SPIRE1: variants seen among roughly 807,000 people sequenced by gnomAD.
SPIRE1 encodes the protein protein spire homolog 1.
A neutral mutation model predicts 94.1 loss-of-function variants in SPIRE1; 40 were observed. The ratio of observed to expected loss-of-function variants is 0.43; its 90% CI spans 0.33 to 0.55. The LOEUF (loss-of-function observed/expected upper bound fraction) is 0.55, where lower values mean the gene tolerates loss of function less well. Ranked by LOEUF, SPIRE1 falls within the 20% of genes least tolerant of loss-of-function variation. SPIRE1 has a pLI of 0.06. For synonymous variants in SPIRE1, 376 were observed against 371.7 expected, an observed-to-expected ratio of 1.01 and a Z score of -0.13; for missense variants, 838 against 975.2, an observed-to-expected ratio of 0.86 and a Z score of 1.87.
intron 2 of SPIRE1, among the ~76,000 whole-genome samples, chr18:12,565,871 T>A (rs780861757): frequency 3.4e-5 from 5 of 148,440 alleles, no homozygotes; most frequent in Non-Finnish European, 6.0e-5. Flanking sequence ...CCATCTCTAC[T>A]ATAAATACAA....
chr18:12,461,587 A>ATACATACATGTGTGTGTATGTATGTATG (rs752073495), intron 12 of SPIRE1, among the ~76,000 whole-genome samples: 1 of 147,406 alleles, frequency 6.8e-6, no homozygotes, highest in Admixed American at 6.6e-5. Flanking sequence ...ACATATGTAT[A>ATACATACATGTGTGTGTATGTATGTATG]TACATACATA....
At chr18:12,562,859 T>C (rs2035726742) in intron 2 of SPIRE1, among the ~76,000 whole-genome samples, 1 of 152,112 alleles carries the variant, frequency 6.6e-6, no homozygotes, top group Non-Finnish European at 1.5e-5. Context: ...GATTATAAAA[T>C]ATACTAAAAT....
chr18:12,470,619 G>A (rs376531145), intron 10 of SPIRE1, among the ~76,000 whole-genome samples: 43 of 152,294 alleles, frequency 2.8e-4, no homozygotes, highest in African/African-American at 9.6e-4. Flanking sequence ...GGGTGTGTGA[G>A]TACACACGTG....
At chr18:12,595,242 G>A (rs1211183490) in intron 2 of SPIRE1, among the ~76,000 whole-genome samples, 2 of 152,318 alleles carry the variant, frequency 1.3e-5, no homozygotes, top group East Asian at 1.9e-4. Flanking sequence ...GGAAGTTGAG[G>A]CTGCAGTGAG....
intron 10 of SPIRE1, among the ~76,000 whole-genome samples, chr18:12,469,576 TTATATATAG>T (rs2032259885): frequency 6.9e-6 from 1 of 145,560 alleles, no homozygotes; most frequent in Admixed American, 7.0e-5. Context: ...ATTATATATA[TTATATATAG>T]TATATATTAT....
intron 2 of SPIRE1, among the ~76,000 whole-genome samples, chr18:12,617,368 C>T (rs749274360): frequency 8.5e-5 from 13 of 152,058 alleles, no homozygotes; most frequent in Non-Finnish European, 1.8e-4. Flanking sequence ...GCACCAACCA[C>T]CATGCCCAGC....
At chr18:12,525,312 A>C (rs1317872671) in intron 4 of SPIRE1, among the ~76,000 whole-genome samples, 2 of 148,244 alleles carry the variant, frequency 1.3e-5, no homozygotes, top group South Asian at 2.1e-4. Context: ...TAATAATAAT[A>C]ATAATAACAA....
chr18:12,583,869 G>T (rs559864600), intron 2 of SPIRE1, among the ~76,000 whole-genome samples: 1 of 152,178 alleles, frequency 6.6e-6, no homozygotes, highest in African/African-American at 2.4e-5. Context: ...AGAAGCTGCA[G>T]TAAGTCATGA....
At chr18:12,606,314 C>T (rs927457814) in intron 2 of SPIRE1, among the ~76,000 whole-genome samples, 3 of 151,794 alleles carry the variant, frequency 2.0e-5, no homozygotes, top group African/African-American at 7.3e-5. Context: ...CTGTCTGGCA[C>T]ATTAAGTTCT....
At chr18:12,547,007 C>G in intron 2 of SPIRE1, 103 bp from the exon 3 acceptor site, 1 of 670,286 alleles carries the variant, frequency 1.5e-6, no homozygotes. Context: ...CTCAAACCAA[C>G]ATACAACACA....
At chr18:12,563,424 C>T (rs533615923) in intron 2 of SPIRE1, among the ~76,000 whole-genome samples, 4 of 152,004 alleles carry the variant, frequency 2.6e-5, no homozygotes, top group African/African-American at 9.7e-5. Context: ...TGGCATCAAA[C>T]AATCCTCCTG....
intron 2 of SPIRE1, chr18:12,588,310 G>A (rs1322650683): frequency 1.3e-5 from 2 of 151,824 alleles, no homozygotes; most frequent in Non-Finnish European, 2.9e-5. Context: ...ATTTTTCCAG[G>A]TAAATACATC....
At chr18:12,567,727 C>T (rs140925731) in intron 2 of SPIRE1, among the ~76,000 whole-genome samples, 1 of 152,284 alleles carries the variant, frequency 6.6e-6, no homozygotes, top group Non-Finnish European at 1.5e-5. Flanking sequence ...TTCAGCCTCC[C>T]TACATTCAAT....
chr18:12,632,463 A>C (rs1579265), intron 2 of SPIRE1, among the ~76,000 whole-genome samples: 88 of 152,260 alleles, frequency 5.8e-4, no homozygotes, highest in South Asian at 1.5e-3. Flanking sequence ...TTCTAAGAAA[A>C]AGTAGTTCCC....
At chr18:12,566,797 C>A (rs139907235) in intron 2 of SPIRE1, among the ~76,000 whole-genome samples, 28 of 152,248 alleles carry the variant, frequency 1.8e-4, no homozygotes, top group African/African-American at 6.7e-4. Context: ...CAACCCTCTA[C>A]AATCTACCTC....
At chr18:12,494,794 G>C (rs1336215774) in intron 7 of SPIRE1, among the ~76,000 whole-genome samples, 2 of 135,370 alleles carry the variant, frequency 1.5e-5, no homozygotes, top group South Asian at 4.7e-4. Flanking sequence ...AGCCGAGATC[G>C]CGCCACTGCA....
At chr18:12,460,569 G>A (rs1196666491) in intron 12 of SPIRE1, among the ~76,000 whole-genome samples, 6 of 152,066 alleles carry the variant, frequency 3.9e-5, no homozygotes, top group Admixed American at 2.6e-4. Flanking sequence ...AAAATTAGCC[G>A]GGTGTGGTGG....
chr18:12,636,637 GAATT>G (rs1180457185), intron 1 of SPIRE1, among the ~76,000 whole-genome samples: 4 of 151,870 alleles, frequency 2.6e-5, no homozygotes, highest in African/African-American at 9.7e-5. Flanking sequence ...TAGGTTCTAT[GAATT>G]AAATTAAAAA....
chr18:12,551,951 C>T (rs774192319), intron 2 of SPIRE1, among the ~76,000 whole-genome samples: 20 of 152,054 alleles, frequency 1.3e-4, no homozygotes, highest in African/African-American at 3.6e-4. Flanking sequence ...GGCCATGGGC[C>T]GCAGAGAGAA....
Sources: gnomAD v4.1 joint callset for allele counts (sites outside exome capture counted in the v4.1 genomes callset) on GRCh38, gnomAD v4.1.1 for gene constraint, MANE v1.5 for transcripts, NCBI Gene and HGNC (gene_info 2026-07-23, HGNC 2026-07-21) for gene names.